Variants in SLC6A19 observed in about 807,000 individuals in gnomAD.
The protein encoded by SLC6A19 is solute carrier family 6 member 19.
In SLC6A19, 67 loss-of-function variants were observed where a neutral mutation model predicts 68.3. That is an observed-to-expected ratio of 0.98 (90% CI 0.81 to 1.20). The LOEUF (loss-of-function observed/expected upper bound fraction) is 1.20. Among genes scored for constraint, SLC6A19 ranks in the 50% most tolerant of loss-of-function variants. SLC6A19 has a pLI of 0.00. For synonymous variants in SLC6A19, 392 were observed against 374.9 expected, an observed-to-expected ratio of 1.05 and a Z score of -0.53; for missense variants, 813 against 851.6, an observed-to-expected ratio of 0.95 and a Z score of 0.56.
At position 1,219,682 on chromosome 5, in the gene SLC6A19, GA is replaced by G; in HGVS notation, c.1538+19del. 2 of 1,601,990 alleles carry G rather than the reference GA, an allele frequency of 1.2e-6. No individual in the cohort carries two copies. The highest frequency in any genetic ancestry group is 1.7e-6 in the Non-Finnish European group (2 of 1,179,952). On this transcript the variant is annotated intron_variant, in intron 10 of 11. Transcript: ENST00000304460. ...GTGGACAGGTAGGGGCCACGGTGGG[GA>G]CAGGTGCCTCTAATGCAGAAAAGCC...
chr5:1,213,830 G>A, intron 5 of SLC6A19, 123 bp from the exon 6 acceptor site: 4 of 1,497,700 alleles, frequency 2.7e-6, no homozygotes, highest in Non-Finnish European at 3.6e-6. Flanking sequence ...ACCCCAGGGG[G>A]CCCTGGCCTG....
At chr5:1,206,648 G>A (rs1745859939) in intron 1 of SLC6A19, among the ~76,000 whole-genome samples, 1 of 151,878 alleles carries the variant, frequency 6.6e-6, no homozygotes, top group Non-Finnish European at 1.5e-5. Flanking sequence ...AGCCTGGGGG[G>A]CGGGAGGATG....
Position 1,222,557 on chromosome 5 carries a change from T to C in SLC6A19, c.*653T>C, listed in dbSNP as rs76942198. On this transcript the variant is annotated 3_prime_UTR_variant, in exon 12 of 12. Coordinates refer to ENST00000304460, the MANE Select transcript of SLC6A19 (RefSeq NM_001003841.3). ...TGTGTGTATACGTGTGTTGTGTATA[T>C]GTGTGTGTCTGTACCTGTTTGTGTA... 4,275 of 371,602 alleles carry C rather than the reference T, an allele frequency of 0.012. 39 individuals are homozygous for C. The highest frequency in any genetic ancestry group is 0.015 in the Non-Finnish European group (3,112 of 206,682). The allele number at this position is 371,602 out of a possible 1,614,324, so 23.0% of individuals were successfully genotyped here.
Position 1,214,081 on chromosome 5 carries a change from G to C in SLC6A19, c.887+16G>C. Reference sequence around the variant, plus strand: ...ACTCTGTGCAGTGAGTGCGGGTGTGGTGGGCCTCAGTTTCCCTCTCAGTCC... The same window carrying C: ...ACTCTGTGCAGTGAGTGCGGGTGTGCTGGGCCTCAGTTTCCCTCTCAGTCC... On this transcript the variant is annotated intron_variant, in intron 6 of 11. Coordinates refer to ENST00000304460, the MANE Select transcript of SLC6A19 (RefSeq NM_001003841.3). This position sits in a 1 kb window ranked among gnomAD's most constrained non-coding sequence, Gnocchi z 7.4. The C allele has an allele frequency of 6.2e-7, 1 of 1,613,662 alleles. No homozygotes were observed.
At position 1,214,547 on chromosome 5, in the gene SLC6A19, G is replaced by A. The variant is rs970003933; in HGVS notation, c.887+482G>A. Among the ~76,000 whole-genome samples the A allele has an allele frequency of 3.3e-5, 5 of 152,156 alleles. No homozygotes were observed. Among genetic ancestry groups the A allele is most frequent in the Admixed American group, 2.0e-4 (3 of 15,280 alleles). On this transcript the variant is annotated intron_variant, in intron 6 of 11. Transcript: ENST00000304460. The surrounding 1 kb of genome is among the most constrained non-coding windows in gnomAD (Gnocchi z 7.4). ...CCCTGGAGTCCCCAGCAGCGTCTGG[G>A]AGGAGCACAGCTGGTGTCAGTTAAT...
chr5:1,219,326 C>A (rs560674898), intron 9 of SLC6A19, among the ~76,000 whole-genome samples, 179 bp from the exon 10 acceptor site: 6 of 151,046 alleles, frequency 4.0e-5, no homozygotes, highest in African/African-American at 9.8e-5. Flanking sequence ...TGTCCCCGGC[C>A]GTGCGTGCAG....
In SLC6A19 at chr5:1,212,240, G is replaced by T. The variant is rs1579512568; in HGVS notation, c.482-63G>T. Reference sequence around the variant, plus strand: ...TGGCTGGCATTTCTTCCAGCTCAGGGCCTTCCATTCTCCTCCCTTGGGGGA... The same window carrying T: ...TGGCTGGCATTTCTTCCAGCTCAGGTCCTTCCATTCTCCTCCCTTGGGGGA... On this transcript the variant is annotated intron_variant, in intron 3 of 11. Transcript: ENST00000304460. This position sits in a 1 kb window ranked among gnomAD's most constrained non-coding sequence, Gnocchi z 5.1. The T allele has an allele frequency of 3.1e-6, 5 of 1,602,164 alleles. No individual in the cohort carries two copies. The highest frequency in any genetic ancestry group is 2.2e-5 in the East Asian group (1 of 44,842).
rs1483398871 is a variant in SLC6A19, at chr5:1,224,530, C to T, written c.*2626C>T. The stretch of plus-strand genomic sequence containing the variant: ...TGCTCCGAAGAGGCCATGGCCCAGG[C>T]CTGTGGCCTCACAATGGGGACCAAC... On this transcript the variant is annotated 3_prime_UTR_variant, in exon 12 of 12. Transcript: ENST00000304460. 1.3e-5 allele frequency: 2 copies of T among 152,392 alleles called. No individual in the cohort carries two copies. Among genetic ancestry groups the T allele is most frequent in the African/African-American group, 4.8e-5 (2 of 41,468 alleles). 9.4% of individuals were successfully genotyped at this position (152,392 alleles called of 1,614,324 possible).
intron 3 of SLC6A19, among the ~76,000 whole-genome samples, chr5:1,210,805 GC>G (rs1291772697): frequency 1.3e-5 from 2 of 152,214 alleles, no homozygotes; most frequent in Non-Finnish European, 2.9e-5. Context: ...AAGCGTGGGA[GC>G]CCGGGGGGGC....
intron 3 of SLC6A19, among the ~76,000 whole-genome samples, chr5:1,211,079 C>A (rs543881923): frequency 6.6e-6 from 1 of 152,174 alleles, no homozygotes; most frequent in Non-Finnish European, 1.5e-5. Context: ...CAGCTCACGG[C>A]GATTCACACG....
intron 8 of SLC6A19, among the ~76,000 whole-genome samples, chr5:1,217,711 C>G (rs941176257): frequency 2.6e-5 from 4 of 152,266 alleles, no homozygotes; most frequent in African/African-American, 9.6e-5. Context: ...ACAGGGCCGT[C>G]TGGTCTAAAT....
At position 1,214,154 on chromosome 5, in the gene SLC6A19, G is replaced by T; in HGVS notation, c.887+89G>T. 6.3e-7 allele frequency: 1 copy of T among 1,586,840 alleles called. No individual in the cohort carries two copies. Among genetic ancestry groups the T allele is most frequent in the Non-Finnish European group, 8.6e-7 (1 of 1,167,236 alleles). On this transcript the variant is annotated intron_variant, in intron 6 of 11. Transcript: ENST00000304460. This position sits in a 1 kb window ranked among gnomAD's most constrained non-coding sequence, Gnocchi z 7.4. The stretch of plus-strand genomic sequence containing the variant: ...TAAAAGACAAGGTGGAAAGCACTCT[G>T]TGGCTGTGTGGCCGGGGCCTTGCTG...
At chr5:1,217,003 G>T in intron 8 of SLC6A19, 58 bp downstream of exon 8, 1 of 1,609,118 alleles carries the variant, frequency 6.2e-7, no homozygotes, top group Non-Finnish European at 8.5e-7. Context: ...GCACCTCAGA[G>T]TCCGGCCACC....
At position 1,219,082 on chromosome 5, in the gene SLC6A19, G is replaced by A. The variant is rs139510678; in HGVS notation, c.1353G>A (p.Pro451=). The part of the protein sequence containing the change: ...VPLQDLRVIP[P]KWPKEVLTGL... ...TGCAGGACCTCAGAGTCATCCCCCC[G>A]AAGTGGCCCAAGGAGGTGCTCACAG... is the stretch of plus-strand genomic sequence containing the variant. Residue 451 remains proline, a synonymous_variant, in exon 9 of 12, where the codon CCG becomes CCA. Transcript: ENST00000304460. 1.9e-5 allele frequency: 31 copies of A among 1,613,518 alleles called. No individual in the cohort carries two copies. The Admixed American group carries it at 2.5e-4, about 13-fold the overall frequency.
intron 1 of SLC6A19, among the ~76,000 whole-genome samples, chr5:1,203,869 T>C (rs1306330251): frequency 6.6e-6 from 1 of 152,180 alleles, no homozygotes; most frequent in African/African-American, 2.4e-5. Context: ...ACCCGTCTCC[T>C]GGTGAATCCA....
At chr5:1,213,678 T>A (rs1561165917) in intron 5 of SLC6A19, 105 bp downstream of exon 5, 3 of 1,218,640 alleles carry the variant, frequency 2.5e-6, no homozygotes, top group Non-Finnish European at 3.5e-6. Flanking sequence ...ACAGGCAGCC[T>A]GCTGCTCGAC....
At position 1,218,801 on chromosome 5, in the gene SLC6A19, C is replaced by T. The variant is rs918023500; in HGVS notation, c.1174-102C>T. ...TATTTCATGACAGCTCAGACCTGCC[C>T]GCCCCATGCTGCGTGGCTTGGCGAC... On this transcript the variant is annotated intron_variant, in intron 8 of 11. Coordinates refer to ENST00000304460, the MANE Select transcript of SLC6A19 (RefSeq NM_001003841.3). 4.8e-5 allele frequency: 58 copies of T among 1,220,054 alleles called. 1 individual carries two copies. Among genetic ancestry groups the T allele is most frequent in the South Asian group, 3.4e-4 (26 of 77,364 alleles). The allele number at this position is 1,220,054 out of a possible 1,614,324, so 75.6% of individuals were successfully genotyped here.
intron 3 of SLC6A19, among the ~76,000 whole-genome samples, chr5:1,211,757 CTG>C (rs949747748): frequency 1.2e-4 from 18 of 149,764 alleles, no homozygotes; most frequent in African/African-American, 3.0e-4. Context: ...CGCTTGTGTG[CTG>C]TGTGTGTACA....
In SLC6A19 at chr5:1,213,967, C is replaced by G; in HGVS notation, c.789C>G (p.Ala263=). 6.2e-7 allele frequency: 1 copy of G among 1,613,386 alleles called. No individual in the cohort carries two copies. The highest frequency in any genetic ancestry group is 8.5e-7 in the Non-Finnish European group (1 of 1,180,000). ...FLFTPNVTEL[A]QPDTWLDAGA... ...ATGTGGCGCAGGTCACGGAGCTGGC[C>G]CAGCCGGACACCTGGCTGGACGCGG... Residue 263 remains alanine (A), a synonymous_variant, in exon 6 of 12, where the codon GCC becomes GCG. Coordinates refer to ENST00000304460, the MANE Select transcript of SLC6A19 (RefSeq NM_001003841.3).
Sources: gnomAD v4.1 joint callset for allele counts (sites outside exome capture counted in the v4.1 genomes callset) on GRCh38, gnomAD v4.1.1 for gene constraint, Gnocchi (gnomAD v3.1) non-coding constraint, MANE v1.5 for transcripts, NCBI Gene and HGNC (gene_info 2026-07-23, HGNC 2026-07-21) for gene names.